Variants in ZCCHC7 observed in about 807,000 individuals in gnomAD.
ZCCHC7 encodes the protein zinc finger CCHC domain-containing protein 7.
Under a neutral mutation model 52.0 loss-of-function variants are expected in ZCCHC7, and 35 were observed. The observed-to-expected ratio is 0.67, with a 90% CI of 0.51 to 0.89. The LOEUF (loss-of-function observed/expected upper bound fraction) is 0.89, where lower values mean the gene tolerates loss of function less well. ZCCHC7 is among the 40% of genes least tolerant of loss of function. The probability of loss-of-function intolerance (pLI) is 0.00; values close to 1 mark genes in which losing one functional copy is unlikely to be tolerated. For missense variants in ZCCHC7, 574 were observed against 649.1 expected (o/e 0.88, Z 1.26); for synonymous variants, 217 against 221.5 (o/e 0.98, Z 0.18).
intron 2 of ZCCHC7, among the ~76,000 whole-genome samples, chr9:37,291,718 G>C (rs984201527): frequency 6.6e-6 from 1 of 151,986 alleles, no homozygotes; most frequent in Non-Finnish European, 1.5e-5. Context: ...TTTTGAGATG[G>C]AGTTTTCTCT....
At chr9:37,271,569 A>ATTTG (rs1307656158) in intron 2 of ZCCHC7, among the ~76,000 whole-genome samples, 14 of 152,026 alleles carry the variant, frequency 9.2e-5, no homozygotes, top group Non-Finnish European at 5.9e-5. Flanking sequence ...CTTATTTATC[A>ATTTG]TTTGTTTGTT....
At chr9:37,135,615 C>G (rs982709392) in intron 2 of ZCCHC7, among the ~76,000 whole-genome samples, 3 of 152,156 alleles carry the variant, frequency 2.0e-5, no homozygotes, top group Non-Finnish European at 2.9e-5. Context: ...GGATACCTAA[C>G]AAATTGTAGG....
intron 2 of ZCCHC7, among the ~76,000 whole-genome samples, chr9:37,285,692 TG>T (rs2133592667): frequency 6.6e-6 from 1 of 152,330 alleles, no homozygotes; most frequent in South Asian, 2.1e-4. Context: ...AGTTAACCAG[TG>T]ACTCAGACAG....
Position 37,357,061 on chromosome 9 carries a change from G to C in ZCCHC7, c.1425G>C (p.Arg475Ser). Residue 475 changes from arginine to serine, a missense_variant, in exon 9 of 9, where the codon AGG (arginine) becomes AGC (serine). This residue lies in a region of ZCCHC7 where 168 missense variants were observed against 171.6 expected (regional missense o/e 0.98). Coordinates refer to ENST00000336755, the MANE Select transcript of ZCCHC7 (RefSeq NM_032226.3). ...GTGAAGTGGATGAGGATTTTCCCAG[G>C]GGCCCCAAAACCTACTCTTCTCCTG... ...RHREVDEDFP[R>S]GPKTYSSPGS... The C allele has an allele frequency of 6.2e-7, 1 of 1,613,640 alleles. No homozygotes were observed. Among genetic ancestry groups the C allele is most frequent in the Non-Finnish European group, 8.5e-7 (1 of 1,179,914 alleles).
Position 37,281,501 on chromosome 9 carries a change from C to G in ZCCHC7, c.611-20687C>G, listed in dbSNP as rs370280638. Among the ~76,000 whole-genome samples, 92 of 152,260 alleles carry G rather than the reference C, an allele frequency of 6.0e-4. 1 individual carries two copies. Among genetic ancestry groups the G allele is most frequent in the African/African-American group, 2.1e-3 (88 of 41,550 alleles). ...ATATAGCATATATGAGTCTCCACTT[C>G]GTATATAGTGTCAAGCTGGTACACA... On this transcript the variant is annotated intron_variant, in intron 2 of 8. Transcript: ENST00000336755.
At chr9:37,153,350 T>C (rs1356409174) in intron 2 of ZCCHC7, among the ~76,000 whole-genome samples, 2 of 152,062 alleles carry the variant, frequency 1.3e-5, no homozygotes, top group African/African-American at 4.8e-5. Context: ...TTGGTATTTT[T>C]AGTAGACACA....
intron 2 of ZCCHC7, among the ~76,000 whole-genome samples, chr9:37,140,857 G>A (rs536167102): frequency 5.3e-5 from 8 of 151,990 alleles, no homozygotes; most frequent in South Asian, 2.1e-4. Flanking sequence ...TTTAAATTCC[G>A]TTAAGATTAT....
intron 2 of ZCCHC7, among the ~76,000 whole-genome samples, chr9:37,142,773 A>T (rs1024698489): frequency 6.6e-6 from 1 of 151,762 alleles, no homozygotes. Flanking sequence ...TTTATAATTG[A>T]TATTCATATG....
At chr9:37,191,216 C>T (rs1823004922) in intron 2 of ZCCHC7, among the ~76,000 whole-genome samples, 1 of 152,006 alleles carries the variant, frequency 6.6e-6, no homozygotes, top group Non-Finnish European at 1.5e-5. Flanking sequence ...GTAATTTTAC[C>T]TTAGTTTTAT....
intron 6 of ZCCHC7, among the ~76,000 whole-genome samples, chr9:37,337,383 A>AACCCC (rs1830722015): frequency 2.8e-5 from 1 of 35,798 alleles, no homozygotes; most frequent in Non-Finnish European, 5.0e-5. Context: ...CTGTTATCCC[A>AACCCC]CCCCACCCTA....
intron 2 of ZCCHC7, among the ~76,000 whole-genome samples, chr9:37,215,799 A>G (rs1453959290): frequency 2.0e-5 from 3 of 152,260 alleles, no homozygotes; most frequent in Non-Finnish European, 4.4e-5. Flanking sequence ...TTAAGATTAA[A>G]ATAAAAATGA....
chr9:37,254,635 A>G (rs1242272098), intron 2 of ZCCHC7, among the ~76,000 whole-genome samples: 1 of 152,024 alleles, frequency 6.6e-6, no homozygotes, highest in Admixed American at 6.6e-5. Context: ...GGTGATCTCT[A>G]CCTACTTTAA....
intron 2 of ZCCHC7, among the ~76,000 whole-genome samples, chr9:37,296,756 CGCAGTGGCG>C (rs760843040): frequency 1.3e-5 from 2 of 152,190 alleles, no homozygotes; most frequent in African/African-American, 2.4e-5. Flanking sequence ...GCTGCTGGCA[CGCAGTGGCG>C]GCAGTGGCAC....
chr9:37,215,481 A>G (rs1294272445), intron 2 of ZCCHC7, among the ~76,000 whole-genome samples: 1 of 152,240 alleles, frequency 6.6e-6, no homozygotes, highest in African/African-American at 2.4e-5. Context: ...ATAGCTCCCT[A>G]AGGAGCGTGG....
chr9:37,239,095 A>G (rs1338297977), intron 2 of ZCCHC7, among the ~76,000 whole-genome samples: 1 of 152,174 alleles, frequency 6.6e-6, no homozygotes, highest in Admixed American at 6.5e-5. Context: ...GAAAAAGCCA[A>G]AGGACTTAAA....
At chr9:37,321,327 C>T (rs779751946) in intron 5 of ZCCHC7, among the ~76,000 whole-genome samples, 6 of 151,982 alleles carry the variant, frequency 3.9e-5, no homozygotes, top group Non-Finnish European at 8.8e-5. Flanking sequence ...GGTGGGGTCT[C>T]GCTGTTACCC....
intron 2 of ZCCHC7, among the ~76,000 whole-genome samples, chr9:37,197,718 A>G (rs1372132198): frequency 1.3e-5 from 2 of 152,174 alleles, no homozygotes; most frequent in East Asian, 1.9e-4. Context: ...CGAAAGTCAA[A>G]ACAGCAATTG....
chr9:37,282,894 T>TTA (rs1828034971), intron 2 of ZCCHC7, among the ~76,000 whole-genome samples: 1 of 127,874 alleles, frequency 7.8e-6, no homozygotes, highest in Non-Finnish European at 1.6e-5. Flanking sequence ...TTTTTTTTTT[T>TTA]AATGAAAATG....
chr9:37,198,872 C>T (rs1823434453), intron 2 of ZCCHC7, among the ~76,000 whole-genome samples: 1 of 152,150 alleles, frequency 6.6e-6, no homozygotes, highest in Non-Finnish European at 1.5e-5. Flanking sequence ...GTGTTCAATA[C>T]CTTTTTTGCA....
Sources: allele counts gnomAD v4.1 joint callset (sites outside exome capture counted in the v4.1 genomes callset), GRCh38; gene constraint gnomAD v4.1.1; regional missense constraint gnomAD v4.1.1; transcripts MANE v1.5; gene names NCBI Gene and HGNC (gene_info 2026-07-23, HGNC 2026-07-21).